Variants in MESD observed in about 807,000 individuals in gnomAD.
MESD encodes LRP chaperone MESD.
Under a neutral mutation model 12.9 loss-of-function variants are expected in MESD, and 7 were observed. That is an observed-to-expected ratio of 0.54 (90% CI 0.31 to 1.02). The LOEUF (loss-of-function observed/expected upper bound fraction) is 1.02. Ranked by LOEUF, MESD falls within the 50% of genes least tolerant of loss-of-function variation. MESD has a pLI of 0.05. For missense variants in MESD, 342 were observed against 296.7 expected (o/e 1.15, Z -1.12); for synonymous variants, 126 against 115.6 (o/e 1.09, Z -0.58).
At chr15:80,987,417 G>A (rs926208344) in intron 1 of MESD, among the ~76,000 whole-genome samples, 6 of 152,060 alleles carry the variant, frequency 3.9e-5, no homozygotes, top group Non-Finnish European at 7.4e-5. Context: ...AAAGTAGGGC[G>A]TTATCTGGCT....
chr15:80,969,700 CA>C (rs1208707102), intron 3 of MESD, among the ~76,000 whole-genome samples: 1 of 152,138 alleles, frequency 6.6e-6, no homozygotes, highest in African/African-American at 2.4e-5. Context: ...ACTAAAAACA[CA>C]AAAATTAGCC....
At chr15:80,987,114 T>C (rs1902753288) in intron 1 of MESD, among the ~76,000 whole-genome samples, 1 of 152,210 alleles carries the variant, frequency 6.6e-6, no homozygotes, top group Non-Finnish European at 1.5e-5. Context: ...CTTTGGTTTT[T>C]CTACACCAAT....
intron 1 of MESD, among the ~76,000 whole-genome samples, chr15:80,985,636 C>A (rs1371720431): frequency 1.7e-5 from 2 of 120,264 alleles, no homozygotes; most frequent in Non-Finnish European, 3.5e-5. Flanking sequence ...AGGTCCCAAG[C>A]AGCTTTTTTT....
intron 3 of MESD, among the ~76,000 whole-genome samples, chr15:80,955,674 G>A (rs1901965595): frequency 6.6e-6 from 1 of 150,550 alleles, no homozygotes; most frequent in Non-Finnish European, 1.5e-5. Flanking sequence ...AGGCTGGAGT[G>A]AAGTGATGCA....
intron 1 of MESD, among the ~76,000 whole-genome samples, chr15:80,986,705 T>TCCCCTGACTCCAGTCCTAGC (rs1456675360): frequency 6.6e-6 from 1 of 152,156 alleles, no homozygotes; most frequent in Non-Finnish European, 1.5e-5. Context: ...AGTCAGGCAG[T>TCCCCTGACTCCAGTCCTAGC]CCCCTGACTC....
chr15:80,963,632 C>T (rs923664365), intron 3 of MESD, among the ~76,000 whole-genome samples: 3 of 152,170 alleles, frequency 2.0e-5, no homozygotes, highest in Admixed American at 6.6e-5. Flanking sequence ...TTATCCTCCA[C>T]GATCAAGTCG....
chr15:80,959,015 C>G (rs1567119522), intron 3 of MESD, among the ~76,000 whole-genome samples: 2 of 152,184 alleles, frequency 1.3e-5, no homozygotes, highest in Non-Finnish European at 2.9e-5. Flanking sequence ...GGTTTCCCCT[C>G]TCTCAAAGGG....
chr15:80,981,759 G>A (rs1401975534), intron 2 of MESD, among the ~76,000 whole-genome samples, 191 bp downstream of exon 2: 1 of 152,146 alleles, frequency 6.6e-6, no homozygotes, highest in Non-Finnish European at 1.5e-5. Context: ...GGAGGCTGAG[G>A]CAGGAGAATC....
At chr15:80,987,687 C>T (rs1336400499) in intron 1 of MESD, among the ~76,000 whole-genome samples, 1 of 152,152 alleles carries the variant, frequency 6.6e-6, no homozygotes, top group Non-Finnish European at 1.5e-5. Flanking sequence ...TGGAGTTTCA[C>T]CATGTTGGCC....
chr15:80,952,015 AGAG>A lies in MESD; in HGVS notation c.*567_*569del, dbSNP rs1044691696. The A allele has an allele frequency of 2.8e-4, 100 of 352,372 alleles. 2 individuals are homozygous for A. In the Middle Eastern group the frequency reaches 6.5e-3, roughly 23 times the overall value. The allele number at this position is 352,372 out of a possible 1,614,324, so 21.8% of individuals were successfully genotyped here. The stretch of plus-strand genomic sequence containing the variant: ...GAGCAGGTGGAGATGGTTCAAAGAA[AGAG>A]AAGATATCATTCATATGGCTGGCCA... On this transcript the variant is annotated 3_prime_UTR_variant, in exon 4 of 5. Transcript: ENST00000561312.
chr15:80,989,426 G>C (rs1893232949), intron 1 of MESD, among the ~76,000 whole-genome samples, 153 bp downstream of exon 1: 2 of 152,154 alleles, frequency 1.3e-5, no homozygotes, highest in Admixed American at 1.3e-4. Flanking sequence ...GGAATGGAGG[G>C]TCAACAGTGG....
exon 4 of MESD, chr15:80,952,201 G>C: frequency 2.2e-6 from 1 of 456,298 alleles, no homozygotes; most frequent in Non-Finnish European, 4.4e-6. Flanking sequence ...GAGCATGGGG[G>C]CTGAGGTGGG....
In MESD at chr15:80,989,685, C is replaced by T; in HGVS notation, c.107G>A (p.Gly36Asp). Residue 36 changes from glycine to aspartate, a missense_variant, in exon 1 of 3, where the codon GGC becomes GAC. Coordinates refer to ENST00000261758, the MANE Select transcript of MESD (RefSeq NM_015154.3). ...AGACTCGTCGGGCGTCCCGGGCGAG[C>T]CTTCGGCCGCGCAGGACCCAGGCGG... Reference protein sequence around the residue: ...LPPPGSCAAEGSPGTPDESTP... With the variant: ...LPPPGSCAAEDSPGTPDESTP... The T allele has an allele frequency of 1.2e-6, 2 of 1,612,934 alleles. No homozygotes were observed. The highest frequency in any genetic ancestry group is 1.1e-5 in the South Asian group (1 of 91,084).
intron 3 of MESD, among the ~76,000 whole-genome samples, chr15:80,958,189 C>A (rs28576249): frequency 0.05 from 7,541 of 152,220 alleles, 236 homozygotes; most frequent in Middle Eastern, 0.18. Flanking sequence ...TTCCTCTACC[C>A]TCCCATTCGC....
chr15:80,979,224 G>A lies in MESD; in HGVS notation c.700C>T (p.Leu234=). 6.2e-7 allele frequency: 1 copy of A among 1,613,232 alleles called. No individual in the cohort carries two copies. The highest frequency in any genetic ancestry group is 8.5e-7 in the Non-Finnish European group (1 of 1,179,750). ...AGCGCGTCACTGCTGCCCCATCACA[G>A]GTCTTCTCTTTTATTCCCAGCTCGA... The part of the protein sequence containing the change: ...ENRAGNKRED[L] Residue 234 remains leucine, a synonymous_variant, in exon 3 of 3, where the codon CTG becomes TTG. Coordinates refer to ENST00000261758, the MANE Select transcript of MESD (RefSeq NM_015154.3).
Position 80,989,497 on chromosome 15 carries a change from C to A in MESD, c.213+82G>T. 3 of 1,478,902 alleles carry A rather than the reference C, an allele frequency of 2.0e-6. No homozygotes were observed. The Admixed American group carries it at 5.3e-5, about 26-fold the overall frequency. The allele number at this position is 1,478,902 out of a possible 1,614,324, so 91.6% of individuals were successfully genotyped here. ...GAGGAGGTTAGGGGGTCAGAAAGGT[C>A]CCAAGACAGAACAGGTAAGGGGTCA... On this transcript the variant is annotated intron_variant, in intron 1 of 2. Coordinates refer to ENST00000261758, the MANE Select transcript of MESD (RefSeq NM_015154.3).
chr15:80,972,314 A>G (rs975590953), downstream of MESD, among the ~76,000 whole-genome samples: 5 of 152,226 alleles, frequency 3.3e-5, no homozygotes, highest in Non-Finnish European at 5.9e-5. Context: ...ACTAACACAC[A>G]CATTCTTGCA....
chr15:80,988,607 T>G lies in MESD; in HGVS notation c.213+972A>C, dbSNP rs567422791. On this transcript the variant is annotated intron_variant, in intron 1 of 2. Transcript: ENST00000261758. Reference sequence around the variant, plus strand: ...ACATGAAAACACAAGCCTGCATTCTTCTAGTCAGATGCATCAGGTGGTATT... The same window carrying G: ...ACATGAAAACACAAGCCTGCATTCTGCTAGTCAGATGCATCAGGTGGTATT... 3.9e-5 allele frequency among the ~76,000 whole-genome samples: 6 copies of G among 152,356 alleles called. No individual in the cohort carries two copies. The South Asian group carries it at 1.2e-3, about 32-fold the overall frequency.
rs981621720 is a variant in MESD, at chr15:80,982,153, A to T, written c.243T>A (p.Leu81=). 3 of 1,613,958 alleles carry T rather than the reference A, an allele frequency of 1.9e-6. No homozygotes were observed. The Admixed American group carries it at 5.0e-5, about 27-fold the overall frequency. The part of the protein sequence containing the change: ...EKDDDIEEGD[L]PEHKRPSAPV... ...GTGCTGAAGGTCTCTTGTGCTCTGG[A>T]AGATCTCCTTCTTCAATGTCATCAT... The change falls in exon 2 of 3, where the codon CTT becomes CTA. Residue 81 remains leucine (L), a synonymous_variant. Coordinates refer to ENST00000261758, the MANE Select transcript of MESD (RefSeq NM_015154.3).
Sources: gnomAD v4.1 joint callset for allele counts (sites outside exome capture counted in the v4.1 genomes callset) on GRCh38, gnomAD v4.1.1 for gene constraint, MANE v1.5 for transcripts, NCBI Gene and HGNC (gene_info 2026-07-23, HGNC 2026-07-21) for gene names.